Variants in PTPRD observed in about 807,000 individuals in gnomAD.
The protein encoded by PTPRD is protein tyrosine phosphatase receptor type D.
A neutral mutation model predicts 214.5 loss-of-function variants in PTPRD; 34 were observed. The observed-to-expected ratio is 0.16, with a 90% confidence interval of 0.12 to 0.21. The LOEUF (loss-of-function observed/expected upper bound fraction) is 0.21, where lower values mean the gene tolerates loss of function less well. Among genes scored for constraint, PTPRD ranks in the 10% least tolerant of loss-of-function variants. PTPRD has a pLI of 1.00. For synonymous variants in PTPRD, 1,128 were observed against 845.7 expected, an observed-to-expected ratio of 1.33 and a Z score of -5.79; for missense variants, 2,545 against 2,398.7, an observed-to-expected ratio of 1.06 and a Z score of -1.27.
chr9:8,937,272 C>T (rs1347809671), intron 11 of PTPRD, among the ~76,000 whole-genome samples: 1 of 152,204 alleles, frequency 6.6e-6, no homozygotes, highest in South Asian at 2.1e-4. Flanking sequence ...AATCAAAGAA[C>T]GTGCATGGGA....
intron 35 of PTPRD, among the ~76,000 whole-genome samples, chr9:8,428,197 C>A (rs1224914376): frequency 6.6e-6 from 1 of 152,222 alleles, no homozygotes; most frequent in South Asian, 2.1e-4. Context: ...GTAGAAAGCC[C>A]GGAGTGGCAG....
chr9:9,896,501 G>C (rs546909034), intron 5 of PTPRD, among the ~76,000 whole-genome samples: 66 of 152,094 alleles, frequency 4.3e-4, no homozygotes, highest in South Asian at 2.7e-3. Context: ...AAATAGTCTA[G>C]TGCATTTGGA....
intron 4 of PTPRD, among the ~76,000 whole-genome samples, chr9:9,986,581 T>C (rs1055937438): frequency 2.0e-5 from 3 of 152,172 alleles, no homozygotes; most frequent in Non-Finnish European, 2.9e-5. Flanking sequence ...AATGAGAGGC[T>C]TGTATTGTTT....
intron 7 of PTPRD, among the ~76,000 whole-genome samples, chr9:9,664,701 A>G (rs914411041): frequency 1.3e-5 from 2 of 151,710 alleles, no homozygotes; most frequent in African/African-American, 4.8e-5. Context: ...TTACTGTTAA[A>G]GTATTATTAC....
intron 9 of PTPRD, among the ~76,000 whole-genome samples, chr9:9,231,919 C>A (rs2133877523): frequency 6.6e-6 from 1 of 152,126 alleles, no homozygotes; most frequent in South Asian, 2.1e-4. Context: ...TTTGTTTGAT[C>A]TCTGTTTCTG....
chr9:10,194,173 C>T (rs970200730), intron 3 of PTPRD, among the ~76,000 whole-genome samples: 6 of 151,964 alleles, frequency 3.9e-5, no homozygotes, highest in African/African-American at 1.5e-4. Flanking sequence ...TGCCTCTTCC[C>T]ATCGTGCTTC....
intron 10 of PTPRD, among the ~76,000 whole-genome samples, chr9:9,105,037 C>T (rs2099796531): frequency 6.6e-6 from 1 of 152,184 alleles, no homozygotes; most frequent in Non-Finnish European, 1.5e-5. Context: ...ATTCTTCCTG[C>T]CAACAGCCTC....
chr9:10,498,097 A>C (rs1231240831), intron 2 of PTPRD, among the ~76,000 whole-genome samples: 1 of 152,028 alleles, frequency 6.6e-6, no homozygotes, highest in Non-Finnish European at 1.5e-5. Context: ...GCAGAGCAAT[A>C]TTACAATTAA....
intron 2 of PTPRD, among the ~76,000 whole-genome samples, chr9:10,605,771 G>A (rs2079144652): frequency 6.6e-6 from 1 of 151,720 alleles, no homozygotes. Flanking sequence ...ACCATAAGAT[G>A]GTCACAATTG....
In PTPRD at chr9:8,341,701, C is replaced by G. The variant is rs766088715; in HGVS notation, c.4939G>C (p.Glu1647Gln). 1.2e-6 allele frequency: 2 copies of G among 1,613,180 alleles called. No homozygotes were observed. Among genetic ancestry groups the G allele is most frequent in the African/African-American group, 2.7e-5 (2 of 74,848 alleles). ...CACATCCAATACCATACCTTAAATT[C>G]GAGCTCCATTCCTGTGACATTCTCT... ...TGENVTGMEL[E>Q]FKRLASSKAH... Residue 1647 changes from glutamate (E) to glutamine (Q), a missense_variant, in exon 40 of 46, where the codon GAA (glutamate) becomes CAA (glutamine). By Grantham distance (29) the Glu-to-Gln change is conservative. Coordinates refer to ENST00000381196, the MANE Select transcript of PTPRD (RefSeq NM_002839.4).
At chr9:9,830,824 T>A (rs917441130) in intron 5 of PTPRD, among the ~76,000 whole-genome samples, 1 of 151,964 alleles carries the variant, frequency 6.6e-6, no homozygotes, top group Non-Finnish European at 1.5e-5. Context: ...CTTCTATTTC[T>A]AGCCTTGTTT....
chr9:8,714,812 C>T (rs2098413320), intron 12 of PTPRD, among the ~76,000 whole-genome samples: 1 of 152,126 alleles, frequency 6.6e-6, no homozygotes, highest in African/African-American at 2.4e-5. Context: ...GTCTTTCTCC[C>T]ACCATAATAC....
chr9:10,401,856 C>G (rs1254700445), intron 2 of PTPRD, among the ~76,000 whole-genome samples: 3 of 150,770 alleles, frequency 2.0e-5, no homozygotes, highest in Non-Finnish European at 4.4e-5. Context: ...CTTTAAATTC[C>G]TAAGTTTGAA....
At chr9:8,506,161 A>C (rs1292032592) in intron 22 of PTPRD, among the ~76,000 whole-genome samples, 3 of 152,220 alleles carry the variant, frequency 2.0e-5, no homozygotes, top group Non-Finnish European at 4.4e-5. Context: ...ATGTACTACA[A>C]GTTAATTGAG....
At chr9:8,942,997 A>G (rs543465708) in intron 11 of PTPRD, among the ~76,000 whole-genome samples, 6 of 152,288 alleles carry the variant, frequency 3.9e-5, no homozygotes, top group Non-Finnish European at 5.9e-5. Flanking sequence ...ATATGCCAAT[A>G]GCAAATAATC....
intron 34 of PTPRD, among the ~76,000 whole-genome samples, chr9:8,447,164 C>T (rs1004896287): frequency 1.1e-4 from 16 of 152,146 alleles, no homozygotes; most frequent in African/African-American, 3.6e-4. Flanking sequence ...TGTGCTAGGA[C>T]CTTAGGACAA....
chr9:9,194,107 C>G (rs1307113101), intron 9 of PTPRD, among the ~76,000 whole-genome samples: 3 of 151,942 alleles, frequency 2.0e-5, no homozygotes, highest in African/African-American at 7.3e-5. Flanking sequence ...CACATATTAG[C>G]CTAGGTCTAC....
chr9:9,766,318 A>C (rs1038853110), intron 6 of PTPRD, among the ~76,000 whole-genome samples: 1 of 152,112 alleles, frequency 6.6e-6, no homozygotes, highest in East Asian at 1.9e-4. Context: ...TAGTACGTTT[A>C]TATACTGTTT....
intron 10 of PTPRD, among the ~76,000 whole-genome samples, chr9:9,103,178 T>C (rs2099793643): frequency 6.6e-6 from 1 of 152,210 alleles, no homozygotes; most frequent in South Asian, 2.1e-4. Flanking sequence ...TTAGCCAATG[T>C]ATTTTTTAAA....
Sources: allele counts gnomAD v4.1 joint callset (sites outside exome capture counted in the v4.1 genomes callset), GRCh38; gene constraint gnomAD v4.1.1; transcripts MANE v1.5; gene names NCBI Gene and HGNC (gene_info 2026-07-23, HGNC 2026-07-21).